The following ZFAT variants were observed in gnomAD, a reference collection of about 807,000 sequenced individuals.
The protein encoded by ZFAT is zinc finger and AT-hook domain containing.
ZFAT carries 64 observed loss-of-function variants against 117.7 expected under a neutral mutation model. The ratio of observed to expected loss-of-function variants is 0.54; its 90% CI spans 0.44 to 0.67. ZFAT has a LOEUF of 0.67. ZFAT is among the 30% of genes least tolerant of loss of function. ZFAT has a pLI of 0.00. For synonymous variants in ZFAT, 679 were observed against 615.0 expected, an observed-to-expected ratio of 1.10 and a Z score of -1.54; for missense variants, 1,433 against 1,584.5, an observed-to-expected ratio of 0.90 and a Z score of 1.62.
chr8:134,615,359 G>A (rs1050486548), intron 3 of ZFAT, among the ~76,000 whole-genome samples: 5 of 152,066 alleles, frequency 3.3e-5, no homozygotes. Flanking sequence ...GCTGATTTTT[G>A]TATTTTTTTA....
intron 5 of ZFAT, among the ~76,000 whole-genome samples, chr8:134,607,185 A>G (rs1827952968): frequency 6.6e-6 from 1 of 152,238 alleles, no homozygotes; most frequent in Non-Finnish European, 1.5e-5. Flanking sequence ...TATTGTGAAG[A>G]TAATTAATTA....
intron 1 of ZFAT, 30 bp downstream of exon 1, chr8:134,712,815 C>CCGGG: frequency 8.9e-7 from 1 of 1,128,116 alleles, no homozygotes; most frequent in Non-Finnish European, 1.2e-6. Flanking sequence ...ACCCCCACCC[C>CCGGG]GTCTCACCCC....
chr8:134,717,793 G>C (rs917632578), upstream of ZFAT, among the ~76,000 whole-genome samples: 2 of 151,892 alleles, frequency 1.3e-5, no homozygotes, highest in African/African-American at 4.8e-5. Flanking sequence ...CCGCCTCCAG[G>C]ATTCAGGCCT....
chr8:134,509,409 A>G (rs1033348564), intron 15 of ZFAT, among the ~76,000 whole-genome samples: 26 of 151,868 alleles, frequency 1.7e-4, no homozygotes, highest in African/African-American at 5.3e-4. Flanking sequence ...TTAATATACT[A>G]TATCTCTCCC....
chr8:134,712,731 C>CGGCGGCT, intron 1 of ZFAT, 114 bp downstream of exon 1: 1 of 952,640 alleles, frequency 1.0e-6, no homozygotes, highest in Non-Finnish European at 1.4e-6. Flanking sequence ...GGCCGGCGGC[C>CGGCGGCT]GGCGGCCGGC....
chr8:134,583,933 T>C lies in ZFAT; in HGVS notation c.2786A>G (p.Asn929Ser). 1 of 1,597,046 alleles carries C rather than the reference T, an allele frequency of 6.3e-7. No homozygotes were observed. The highest frequency in any genetic ancestry group is 8.5e-7 in the Non-Finnish European group (1 of 1,170,854). ...RSKSNLKAHM[N>S]RHSTEKTHLC... ...GTGGGTTTTCTCAGTGCTGTGACGA[T>C]TCATATGAGCCTTGAGGTTACTCTT... The change falls in exon 10 of 16, where the codon AAT becomes AGT. Residue 929 changes from asparagine (N) to serine (S), a missense_variant. This residue lies in a region of ZFAT where 503 missense variants were observed against 543.4 expected (regional missense o/e 0.93). Coordinates refer to ENST00000377838, the MANE Select transcript of ZFAT (RefSeq NM_020863.4).
At chr8:134,676,679 T>C (rs1270812821) in intron 1 of ZFAT, among the ~76,000 whole-genome samples, 3 of 152,184 alleles carry the variant, frequency 2.0e-5, no homozygotes, top group Non-Finnish European at 4.4e-5. Flanking sequence ...ATTCTAAAAT[T>C]GACCACATAA....
At chr8:134,673,470 A>G in intron 1 of ZFAT, 1 of 215,498 alleles carries the variant, frequency 4.6e-6, no homozygotes. Context: ...GATCCTTCTG[A>G]GAATGCTAGA....
intron 1 of ZFAT, among the ~76,000 whole-genome samples, chr8:134,661,877 T>C (rs1337059305): frequency 2.0e-5 from 3 of 151,542 alleles, no homozygotes; most frequent in Admixed American, 2.0e-4. Context: ...CAAGACGGGG[T>C]GGGGTTCAGC....
intron 3 of ZFAT, among the ~76,000 whole-genome samples, chr8:134,622,995 G>A (rs1829238590): frequency 6.6e-6 from 1 of 152,082 alleles, no homozygotes; most frequent in South Asian, 2.1e-4. Flanking sequence ...CTCTTCCTTA[G>A]CTTCTCTAGT....
intron 3 of ZFAT, among the ~76,000 whole-genome samples, chr8:134,621,052 C>G (rs760656852): frequency 1.3e-5 from 2 of 151,704 alleles, no homozygotes; most frequent in Non-Finnish European, 2.9e-5. Context: ...TTAAAAATAT[C>G]TTCACTGAGC....
chr8:134,793,179 AAT>A, the ZFAT span: 1 of 152,226 alleles, frequency 6.6e-6, no homozygotes, highest in African/African-American at 2.4e-5. Flanking sequence ...TGAATTTATA[AAT>A]ATGAGTAAAC....
At chr8:134,732,106 T>C in the ZFAT span, among the ~76,000 whole-genome samples, 1 of 152,194 alleles carries the variant, frequency 6.6e-6, no homozygotes, top group Non-Finnish European at 1.5e-5. Flanking sequence ...TACATGAGCA[T>C]TGCATGTGTA....
intron 2 of ZFAT, among the ~76,000 whole-genome samples, chr8:134,641,554 G>T (rs956330364): frequency 2.0e-5 from 3 of 152,168 alleles, no homozygotes; most frequent in Non-Finnish European, 2.9e-5. Flanking sequence ...CACACGTAGG[G>T]TGTGTATGCG....
chr8:134,518,989 G>T (rs888090869), intron 13 of ZFAT, among the ~76,000 whole-genome samples: 3 of 151,930 alleles, frequency 2.0e-5, no homozygotes, highest in Non-Finnish European at 2.9e-5. Context: ...TTTTCTGTTC[G>T]ATTCCATTAA....
At chr8:134,822,971 G>C in the ZFAT span, among the ~76,000 whole-genome samples, 1 of 152,128 alleles carries the variant, frequency 6.6e-6, no homozygotes, top group Admixed American at 6.5e-5. Context: ...AAAAAAAGGG[G>C]AACATCTGTT....
At chr8:134,762,876 T>C in the ZFAT span, among the ~76,000 whole-genome samples, 1 of 152,188 alleles carries the variant, frequency 6.6e-6, no homozygotes, top group African/African-American at 2.4e-5. Context: ...GGCAGCATCA[T>C]TTAGCCAAGT....
chr8:134,729,623 C>T, the ZFAT span, among the ~76,000 whole-genome samples: 1 of 152,218 alleles, frequency 6.6e-6, no homozygotes, highest in Admixed American at 6.5e-5. Flanking sequence ...GTTGGCCAAG[C>T]TGTCAGGCCC....
intron 1 of ZFAT, among the ~76,000 whole-genome samples, chr8:134,676,666 C>A (rs1832820571): frequency 6.6e-6 from 1 of 152,234 alleles, no homozygotes; most frequent in Non-Finnish European, 1.5e-5. Context: ...CCACATTACA[C>A]TTATTCTAAA....
Sources: allele counts gnomAD v4.1 joint callset (sites outside exome capture counted in the v4.1 genomes callset), GRCh38; gene constraint gnomAD v4.1.1; regional missense constraint gnomAD v4.1.1; transcripts MANE v1.5; gene names NCBI Gene and HGNC (gene_info 2026-07-23, HGNC 2026-07-21).